Variants in ADNP2 observed in about 807,000 individuals in gnomAD.
ADNP2 encodes the protein activity-dependent neuroprotector homeobox protein 2.
A neutral mutation model predicts 16.4 loss-of-function variants in ADNP2; 8 were observed. The observed-to-expected ratio is 0.49, with a 90% CI of 0.29 to 0.88. ADNP2 has a LOEUF of 0.88. Among genes scored for constraint, ADNP2 ranks in the 40% least tolerant of loss-of-function variants. ADNP2 has a pLI of 0.09. For missense variants in ADNP2, 1,397 were observed against 1,395.1 expected (o/e 1.00, Z -0.02); for synonymous variants, 637 against 545.8 (o/e 1.17, Z -2.33).
rs2145220692 is a variant in ADNP2 at position 80,139,126 on chromosome 18, CTG to C, written c.*318_*319del. ...AGTGTCAGTATCGTATGATAAGAAA[CTG>C]AAATCTATAAATAATTTGCTTTTTC... On this transcript the variant is annotated 3_prime_UTR_variant, in exon 4 of 4. Transcript: ENST00000262198. The C allele has an allele frequency of 4.5e-6, 1 of 220,764 alleles. No individual in the cohort carries two copies. The highest frequency in any genetic ancestry group is 9.4e-5 in the East Asian group (1 of 10,608). The allele number at this position is 220,764 out of a possible 1,614,324, so 13.7% of individuals were successfully genotyped here. A position where few individuals can be genotyped will look rare whatever the true frequency, so the allele number is the denominator to read the frequency against.
In ADNP2 at chr18:80,109,434, G is replaced by C. The variant is rs1268848944; in HGVS notation, c.-52G>C. The C allele has an allele frequency of 9.4e-5, 14 of 148,200 alleles. No homozygotes were observed. Among genetic ancestry groups the C allele is most frequent in the Non-Finnish European group, 1.8e-4 (12 of 66,436 alleles). 9.2% of individuals were successfully genotyped at this position (148,200 alleles called of 1,614,324 possible). ...CGGAAGACGCGGCAGCCCTGCGAGA[G>C]GCAGCAGCGGAGACGCGGTGCTCCT... On this transcript the variant is annotated 5_prime_UTR_variant, in exon 1 of 4. Coordinates refer to ENST00000262198, the MANE Select transcript of ADNP2 (RefSeq NM_014913.4).
rs370840714 is a variant in ADNP2, at chr18:80,117,595, A to C, written c.53A>C (p.Lys18Thr). ...NLDNIRKVRK[K>T]VKGILVDIGL... ...GACAACATCAGAAAGGTGCGAAAAA[A>C]GGTGAAAGGTATTCTTGTGGATATT... Residue 18 changes from lysine to threonine, a missense_variant, in exon 2 of 4, where the codon AAG (lysine) becomes ACG (threonine). Transcript: ENST00000262198. 22 of 1,605,010 alleles carry C rather than the reference A, an allele frequency of 1.4e-5. No individual in the cohort carries two copies. The highest frequency in any genetic ancestry group is 1.9e-5 in the Non-Finnish European group (22 of 1,177,274).
At chr18:80,135,474 C>A in intron 3 of ADNP2, 138 bp from the exon 4 acceptor site, 1 of 914,628 alleles carries the variant, frequency 1.1e-6, no homozygotes, top group Non-Finnish European at 1.6e-6. Context: ...AGTTTGCCAA[C>A]CCCTGGGTTA....
chr18:80,120,941 T>C (rs1321749893), intron 2 of ADNP2, among the ~76,000 whole-genome samples: 1 of 152,198 alleles, frequency 6.6e-6, no homozygotes, highest in Non-Finnish European at 1.5e-5. Context: ...GCAATGAACA[T>C]TGGTGCACAA....
In ADNP2 at chr18:80,137,007, G is replaced by A. The variant is rs2052543091; in HGVS notation, c.1594G>A (p.Val532Met). 1.2e-6 allele frequency: 2 copies of A among 1,614,158 alleles called. No individual in the cohort carries two copies. The highest frequency in any genetic ancestry group is 2.2e-5 in the East Asian group (1 of 44,870). The change falls in exon 4 of 4, where the codon GTG becomes ATG. Residue 532 changes from valine (V) to methionine (M), a missense_variant. Physicochemically the swap from Val to Met is conservative, Grantham distance 21 (BLOSUM62 1). Coordinates refer to ENST00000262198, the MANE Select transcript of ADNP2 (RefSeq NM_014913.4). The surrounding 1 kb of genome is among the most constrained non-coding windows in gnomAD (Gnocchi z 4.2). ...CCAGACAGTCTCCTCCTCAGCTGTT[G>A]TGCCTGTAAACCAGGGTGTGAATTC... ...PNQTVSSSAV[V>M]PVNQGVNSGV...
Position 80,124,049 on chromosome 18 carries a change from T to A in ADNP2, c.108+6399T>A, listed in dbSNP as rs544191849. ...TCAGCCTTTTAAGTATTTTTTAGGATTCACCAGTGAAGCCACCTGTACCTG... is the reference window on the plus strand; with the variant it reads ...TCAGCCTTTTAAGTATTTTTTAGGAATCACCAGTGAAGCCACCTGTACCTG... On this transcript the variant is annotated intron_variant, in intron 2 of 3. Transcript: ENST00000262198. 3.6e-4 allele frequency among the ~76,000 whole-genome samples: 55 copies of A among 152,226 alleles called. No homozygotes were observed. In the South Asian group the frequency reaches 0.011, roughly 30 times the overall value.
intron 1 of ADNP2, among the ~76,000 whole-genome samples, chr18:80,113,653 C>T (rs1001070164): frequency 5.3e-5 from 8 of 152,082 alleles, no homozygotes; most frequent in South Asian, 4.1e-4. Flanking sequence ...ACATTTGCTA[C>T]GTACTGTGCT....
chr18:80,123,141 A>T (rs550291585), intron 2 of ADNP2, among the ~76,000 whole-genome samples: 13 of 152,146 alleles, frequency 8.5e-5, no homozygotes, highest in Admixed American at 5.9e-4. Flanking sequence ...TCTTATGTTG[A>T]AGCCCCTTTG....
chr18:80,118,941 T>C (rs1326756562), intron 2 of ADNP2, among the ~76,000 whole-genome samples: 1 of 152,142 alleles, frequency 6.6e-6, no homozygotes, highest in Admixed American at 6.6e-5. Flanking sequence ...ATAATGAAAT[T>C]TTTGAAAATT....
At chr18:80,117,020 T>C (rs1344862224) in intron 1 of ADNP2, among the ~76,000 whole-genome samples, 4 of 152,248 alleles carry the variant, frequency 2.6e-5, no homozygotes, top group Non-Finnish European at 5.9e-5. Flanking sequence ...ATTTGTAAAC[T>C]GGGTTATCTG....
Position 80,137,650 on chromosome 18 carries a change from C to T in ADNP2, c.2237C>T (p.Thr746Met), listed in dbSNP as rs201552084. Reference protein sequence around the residue: ...APFLKWMREKTVRCLSCKCLV... With the variant: ...APFLKWMREKMVRCLSCKCLV... ...TTTCTAAAGTGGATGAGAGAGAAAA[C>T]GGTGCGATGTCTGTCTTGTAAGTGC... Residue 746 changes from threonine (T) to methionine (M), a missense_variant, in exon 4 of 4, where the codon ACG (threonine) becomes ATG (methionine). Physicochemically the swap from Thr to Met is moderately conservative, Grantham distance 81. Around this residue, in one of 3 missense-constraint regions of ADNP2, gnomAD observed 611 missense variants for 648.7 expected, o/e 0.94. Transcript: ENST00000262198. This position sits in a 1 kb window ranked among gnomAD's most constrained non-coding sequence, Gnocchi z 4.2. 3.3e-5 allele frequency: 54 copies of T among 1,614,076 alleles called. No individual in the cohort carries two copies. The highest frequency in any genetic ancestry group is 6.7e-5 in the East Asian group (3 of 44,892).
At chr18:80,112,670 C>G (rs1004685868) in intron 1 of ADNP2, among the ~76,000 whole-genome samples, 1 of 152,204 alleles carries the variant, frequency 6.6e-6, no homozygotes. Context: ...CCTGCCCAAT[C>G]TCTGAGAGCC....
intron 2 of ADNP2, among the ~76,000 whole-genome samples, chr18:80,127,080 C>A (rs1284140103): frequency 6.6e-6 from 1 of 152,144 alleles, no homozygotes; most frequent in Admixed American, 6.6e-5. Context: ...TATATTGTTA[C>A]AATTGTTCTA....
chr18:80,124,459 G>T (rs1568410865), intron 2 of ADNP2, among the ~76,000 whole-genome samples: 1 of 152,162 alleles, frequency 6.6e-6, no homozygotes, highest in Non-Finnish European at 1.5e-5. Flanking sequence ...ACAAAGAAAG[G>T]ATGTTATAAA....
intron 2 of ADNP2, among the ~76,000 whole-genome samples, chr18:80,130,213 A>C (rs1230044499): frequency 2.0e-5 from 3 of 152,166 alleles, no homozygotes; most frequent in African/African-American, 7.2e-5. Context: ...AGGGCCTGTG[A>C]GGATGGGCCC....
At chr18:80,131,586 T>A (rs75204520) in intron 2 of ADNP2, among the ~76,000 whole-genome samples, 237 of 139,814 alleles carry the variant, frequency 1.7e-3, no homozygotes, top group African/African-American at 4.4e-3. Context: ...TTTTTTTTTT[T>A]AATTATACTT....
At chr18:80,130,846 CAG>C (rs2052491672) in intron 2 of ADNP2, among the ~76,000 whole-genome samples, 1 of 148,224 alleles carries the variant, frequency 6.7e-6, no homozygotes, top group Non-Finnish European at 1.5e-5. Flanking sequence ...CCATGAAAGA[CAG>C]TAGTTTCTTG....
At position 80,115,392 on chromosome 18, in the gene ADNP2, C is replaced by G. The variant is rs561468206; in HGVS notation, c.-13-2138C>G. 3.3e-5 allele frequency among the ~76,000 whole-genome samples: 5 copies of G among 152,100 alleles called. No individual in the cohort carries two copies. The East Asian group carries it at 5.8e-4, about 18-fold the overall frequency. On this transcript the variant is annotated intron_variant, in intron 1 of 3. Transcript: ENST00000262198. ...GGTATTTAGGAATTCAGGTTTGAGC[C>G]CTAGTTGTGCCCACTGCTACTGGGG...
rs530565046 is a variant in ADNP2 at position 80,134,227 on chromosome 18, T to C, written c.198+1035T>C. ...TTTTCTCATCCGAATTCTTAAAATATCTCGTAATGTAACTCCAGTTACTCA... is the reference window on the plus strand; with the variant it reads ...TTTTCTCATCCGAATTCTTAAAATACCTCGTAATGTAACTCCAGTTACTCA... On this transcript the variant is annotated intron_variant, in intron 3 of 3. Transcript: ENST00000262198. Among the ~76,000 whole-genome samples, 7 of 152,214 alleles carry C rather than the reference T, an allele frequency of 4.6e-5. No individual in the cohort carries two copies. In the East Asian group the frequency reaches 1.2e-3, roughly 25 times the overall value.
Sources: allele counts gnomAD v4.1 joint callset (sites outside exome capture counted in the v4.1 genomes callset), GRCh38; gene constraint gnomAD v4.1.1; regional missense constraint gnomAD v4.1.1; non-coding constraint Gnocchi (gnomAD v3.1); transcripts MANE v1.5; gene names NCBI Gene and HGNC (gene_info 2026-07-23, HGNC 2026-07-21).